The following CLSTN2 variants were observed in gnomAD, a reference collection of about 807,000 sequenced individuals.
The protein encoded by CLSTN2 is calsyntenin 2.
A neutral mutation model predicts 101.2 loss-of-function variants in CLSTN2; 48 were observed. That is an observed-to-expected ratio of 0.47 (90% CI 0.38 to 0.60). The LOEUF (loss-of-function observed/expected upper bound fraction) is 0.60, where lower values mean the gene tolerates loss of function less well. CLSTN2 is among the 20% of genes least tolerant of loss of function. The pLI is 0.00. For missense variants in CLSTN2, 1,160 were observed against 1,238.2 expected, an observed-to-expected ratio of 0.94 and a Z score of 0.95; for synonymous variants, 481 against 463.6, an observed-to-expected ratio of 1.04 and a Z score of -0.48.
intron 2 of CLSTN2, among the ~76,000 whole-genome samples, chr3:140,294,284 G>A (rs750084198): frequency 6.6e-6 from 1 of 152,138 alleles, no homozygotes; most frequent in African/African-American, 2.4e-5. Flanking sequence ...AACAGTCATG[G>A]GCTAAACTGT....
chr3:140,379,767 G>A (rs1325679970), intron 2 of CLSTN2, among the ~76,000 whole-genome samples: 4 of 152,094 alleles, frequency 2.6e-5, no homozygotes, highest in Non-Finnish European at 5.9e-5. Flanking sequence ...AGCTTGTAGG[G>A]TGTCTTTAAT....
rs566560323 is a variant in CLSTN2, at chr3:140,460,262, G to C, written c.1222+493G>C. 1.5e-3 allele frequency: 239 copies of C among 164,148 alleles called. 3 individuals are homozygous for C. Among genetic ancestry groups the C allele is most frequent in the African/African-American group, 5.5e-3 (229 of 41,764 alleles). 10.2% of individuals were successfully genotyped at this position (164,148 alleles called of 1,614,324 possible). On this transcript the variant is annotated intron_variant, in intron 7 of 16. Transcript: ENST00000458420. The stretch of plus-strand genomic sequence containing the variant: ...AGTAATGATAGCTACCATTCGATAG[G>C]CTTTTCAGCATGCTGAGCCTGTGCA...
At chr3:139,983,220 T>A (rs535435573) in intron 1 of CLSTN2, among the ~76,000 whole-genome samples, 1 of 152,208 alleles carries the variant, frequency 6.6e-6, no homozygotes, top group South Asian at 2.1e-4. Context: ...ATTATACATG[T>A]GTTGCTCACC....
chr3:140,571,101 A>G lies in CLSTN2; in HGVS notation c.*4848A>G, dbSNP rs1465896402. 6.6e-6 allele frequency: 1 copy of G among 152,222 alleles called. No homozygotes were observed. Among genetic ancestry groups the G allele is most frequent in the African/African-American group, 2.4e-5 (1 of 41,454 alleles). 9.4% of individuals were successfully genotyped at this position (152,222 alleles called of 1,614,324 possible). On this transcript the variant is annotated 3_prime_UTR_variant, in exon 17 of 17. Coordinates refer to ENST00000458420, the MANE Select transcript of CLSTN2 (RefSeq NM_022131.3). ...ACTGAGTGCTAACTCCACTGAGGCA[A>G]GTGTTAGCCCCCCAAGGCTCAGTGC...
At chr3:140,469,412 C>A (rs1455207700) in intron 8 of CLSTN2, among the ~76,000 whole-genome samples, 1 of 152,104 alleles carries the variant, frequency 6.6e-6, no homozygotes, top group Non-Finnish European at 1.5e-5. Flanking sequence ...ACTGAGCAAC[C>A]CAGAGACCCC....
At chr3:140,143,702 C>G (rs774755720) in intron 1 of CLSTN2, among the ~76,000 whole-genome samples, 23 of 152,210 alleles carry the variant, frequency 1.5e-4, no homozygotes, top group Non-Finnish European at 2.5e-4. Context: ...AGTCAGGAAG[C>G]CTGCCTAATC....
chr3:140,452,055 C>G (rs1235612910), intron 6 of CLSTN2, among the ~76,000 whole-genome samples: 2 of 152,090 alleles, frequency 1.3e-5, no homozygotes, highest in Non-Finnish European at 2.9e-5. Context: ...AGAAAGGATT[C>G]TAAGAAGGCT....
At chr3:140,424,372 C>T (rs1198599126) in intron 5 of CLSTN2, among the ~76,000 whole-genome samples, 1 of 152,222 alleles carries the variant, frequency 6.6e-6, no homozygotes, top group East Asian at 1.9e-4. Context: ...TCCCAGCTCC[C>T]AGACCTAGAG....
In CLSTN2 at chr3:140,511,426, TCTTTGAGGAATCACCACA is replaced by T. The variant is rs567596036; in HGVS notation, c.1345-20895_1345-20878del. On this transcript the variant is annotated intron_variant, in intron 8 of 16. Coordinates refer to ENST00000458420, the MANE Select transcript of CLSTN2 (RefSeq NM_022131.3). Reference sequence around the variant, plus strand: ...GTCAAATGGTATTTCTGCCTCTAGATCTTTGAGGAATCACCACACTGTCTTCCACAATGGTTGAACTAA... The same window carrying T: ...GTCAAATGGTATTTCTGCCTCTAGATCTGTCTTCCACAATGGTTGAACTAA... Among the ~76,000 whole-genome samples the T allele has an allele frequency of 5.9e-3, 896 of 152,234 alleles. 6 individuals are homozygous for T. Among genetic ancestry groups the T allele is most frequent in the Non-Finnish European group, 6.5e-3 (440 of 68,032 alleles).
intron 1 of CLSTN2, among the ~76,000 whole-genome samples, chr3:140,002,816 C>A (rs1430883073): frequency 1.3e-5 from 2 of 149,810 alleles, no homozygotes; most frequent in South Asian, 2.1e-4. Context: ...TTTGAAGAGA[C>A]TGTATTTTCC....
intron 1 of CLSTN2, among the ~76,000 whole-genome samples, chr3:139,955,456 C>G (rs1289153945): frequency 1.3e-5 from 2 of 151,918 alleles, no homozygotes; most frequent in African/African-American, 2.4e-5. Flanking sequence ...CTTAGCGAAA[C>G]AGTGACCATT....
At chr3:140,378,104 C>T (rs1236828449) in intron 2 of CLSTN2, among the ~76,000 whole-genome samples, 2 of 152,206 alleles carry the variant, frequency 1.3e-5, no homozygotes, top group Admixed American at 6.5e-5. Context: ...CAACAGGCTA[C>T]ACCATATAGC....
rs9831102 is a variant in CLSTN2, at chr3:140,486,237, A to G, written c.1344+19506A>G. ...GACAAAGGAAGTCCTTCAAGTAGAA[A>G]GGAAGGGATATCAGAATGAAAAACA... On this transcript the variant is annotated intron_variant, in intron 8 of 16. Transcript: ENST00000458420. Among the ~76,000 whole-genome samples, 890 of 151,936 alleles carry G rather than the reference A, an allele frequency of 5.9e-3. 13 individuals are homozygous for G. Among genetic ancestry groups the G allele is most frequent in the African/African-American group, 0.02 (845 of 41,326 alleles).
chr3:139,960,545 G>A (rs368999140), intron 1 of CLSTN2, among the ~76,000 whole-genome samples: 1 of 152,246 alleles, frequency 6.6e-6, no homozygotes, highest in African/African-American at 2.4e-5. Context: ...CCAAGGCCTA[G>A]CACTGGGTTT....
At chr3:140,442,423 G>A (rs983270581) in intron 5 of CLSTN2, among the ~76,000 whole-genome samples, 1 of 152,112 alleles carries the variant, frequency 6.6e-6, no homozygotes, top group African/African-American at 2.4e-5. Flanking sequence ...GTAAAGCCTT[G>A]TGCCCACAGT....
At chr3:140,107,449 G>T (rs1170552006) in intron 1 of CLSTN2, among the ~76,000 whole-genome samples, 1 of 152,074 alleles carries the variant, frequency 6.6e-6, no homozygotes, top group Non-Finnish European at 1.5e-5. Flanking sequence ...AGTCTTGCAG[G>T]GTGGATTTTC....
At chr3:140,136,031 A>G (rs1006788561) in intron 1 of CLSTN2, among the ~76,000 whole-genome samples, 1 of 152,242 alleles carries the variant, frequency 6.6e-6, no homozygotes, top group Non-Finnish European at 1.5e-5. Context: ...AGTGAGGGTC[A>G]CTTTCATTCT....
Position 140,094,687 on chromosome 3 carries a change from A to G in CLSTN2, c.110-81264A>G, listed in dbSNP as rs115550177. Among the ~76,000 whole-genome samples the G allele has an allele frequency of 5.3e-3, 801 of 152,344 alleles. 6 individuals are homozygous for G. The highest frequency in any genetic ancestry group is 0.019 in the African/African-American group (785 of 41,572). The stretch of plus-strand genomic sequence containing the variant: ...GGGTGCTGTGCAATACTAATAGTGT[A>G]TCCTTTAGTCTGCAGCAGCAGTGGC... On this transcript the variant is annotated intron_variant, in intron 1 of 16. Coordinates refer to ENST00000458420, the MANE Select transcript of CLSTN2 (RefSeq NM_022131.3).
chr3:140,378,179 A>G (rs907284920), intron 2 of CLSTN2, among the ~76,000 whole-genome samples: 12 of 152,228 alleles, frequency 7.9e-5, no homozygotes, highest in Non-Finnish European at 1.8e-4. Context: ...TATTTGCTCA[A>G]CAATGAAATT....
Sources: gnomAD v4.1 joint callset for allele counts (sites outside exome capture counted in the v4.1 genomes callset) on GRCh38, gnomAD v4.1.1 for gene constraint, MANE v1.5 for transcripts, NCBI Gene and HGNC (gene_info 2026-07-23, HGNC 2026-07-21) for gene names.